NLGN1: variants seen among roughly 807,000 people sequenced by gnomAD.
NLGN1 encodes the protein neuroligin 1, also known as neuroligin-1.
Under a neutral mutation model 65.5 loss-of-function variants are expected in NLGN1, and 12 were observed. The observed-to-expected ratio is 0.18, with a 90% CI of 0.12 to 0.30. The LOEUF is 0.30. Ranked by LOEUF, NLGN1 falls within the 10% of genes least tolerant of loss-of-function variation. The pLI is 1.00. For synonymous variants in NLGN1, 350 were observed against 359.5 expected (o/e 0.97, Z 0.30); for missense variants, 750 against 1,007.1 (o/e 0.74, Z 3.46).
intron 4 of NLGN1, among the ~76,000 whole-genome samples, chr3:173,892,926 C>A (rs986431762): frequency 1.3e-5 from 2 of 152,162 alleles, no homozygotes; most frequent in Non-Finnish European, 2.9e-5. Context: ...CTTGGGGAAG[C>A]CTTTTTTCCC....
chr3:174,241,947 C>T (rs555594681), intron 4 of NLGN1, among the ~76,000 whole-genome samples: 92 of 152,234 alleles, frequency 6.0e-4, no homozygotes, highest in Middle Eastern at 3.4e-3. Flanking sequence ...CGTGAGCCAC[C>T]GGGCCCGGCC....
chr3:173,860,566 A>G (rs910508547), intron 4 of NLGN1, among the ~76,000 whole-genome samples: 1 of 152,208 alleles, frequency 6.6e-6, no homozygotes, highest in African/African-American at 2.4e-5. Context: ...AGTAGGAAGA[A>G]AAATGAGTGT....
chr3:173,432,550 T>G (rs1717381387), intron 1 of NLGN1, among the ~76,000 whole-genome samples: 1 of 152,226 alleles, frequency 6.6e-6, no homozygotes, highest in Admixed American at 6.5e-5. Flanking sequence ...TACTAAGGAC[T>G]TTGGCCAATT....
chr3:173,418,920 G>A (rs910855946), intron 1 of NLGN1, among the ~76,000 whole-genome samples: 1 of 150,972 alleles, frequency 6.6e-6, no homozygotes, highest in African/African-American at 2.4e-5. Context: ...GGTCCAGGAT[G>A]GCTTTGAATG....
At chr3:174,274,782 T>G (rs9861506) in intron 4 of NLGN1, among the ~76,000 whole-genome samples, 6,604 of 151,926 alleles carry the variant, frequency 0.043, 435 homozygotes, top group African/African-American at 0.15. Flanking sequence ...TATTCATATA[T>G]ATGCAGAGTT....
rs141341269 is a variant in NLGN1, at chr3:173,481,318, A to C, written c.-321+46240A>C. Among the ~76,000 whole-genome samples the C allele has an allele frequency of 1.8e-3, 273 of 152,160 alleles. 1 individual carries two copies. The highest frequency in any genetic ancestry group is 2.3e-3 in the Non-Finnish European group (154 of 67,886). On this transcript the variant is annotated intron_variant, in intron 2 of 6. Coordinates refer to ENST00000457714, the Ensembl canonical transcript of NLGN1. ...AAAATTATTTTCTGACTAATATAAA[A>C]TTATCATGGAAAAGATTGAAAGGAA...
chr3:173,983,283 T>A (rs1028081784), intron 4 of NLGN1, among the ~76,000 whole-genome samples: 7 of 152,176 alleles, frequency 4.6e-5, no homozygotes, highest in Non-Finnish European at 8.8e-5. Context: ...TTGTAATTAT[T>A]TGCAGATAGC....
intron 5 of NLGN1, among the ~76,000 whole-genome samples, chr3:174,278,111 A>AT (rs1750922461): frequency 1.3e-5 from 2 of 152,026 alleles, no homozygotes; most frequent in Admixed American, 1.3e-4. Flanking sequence ...ATCTTTTATG[A>AT]TAAAAACAGT....
intron 4 of NLGN1, among the ~76,000 whole-genome samples, chr3:173,828,351 A>C (rs1013280421): frequency 1.9e-4 from 29 of 152,054 alleles, no homozygotes; most frequent in African/African-American, 5.8e-4. Flanking sequence ...GGTCTAAAAC[A>C]CTGGGAAGTA....
intron 4 of NLGN1, among the ~76,000 whole-genome samples, chr3:173,858,555 A>T (rs541907212): frequency 9.9e-5 from 15 of 152,010 alleles, no homozygotes; most frequent in Non-Finnish European, 2.1e-4. Context: ...CTTGTTCCTC[A>T]CAGTTGTTGA....
chr3:174,169,575 G>A (rs73035626), intron 4 of NLGN1, among the ~76,000 whole-genome samples: 3,588 of 152,138 alleles, frequency 0.024, 103 homozygotes, highest in African/African-American at 0.061. Flanking sequence ...AGAAGGATGG[G>A]TGGCTCAGGC....
chr3:174,147,100 C>G (rs1054678545), intron 4 of NLGN1, among the ~76,000 whole-genome samples: 2 of 152,108 alleles, frequency 1.3e-5, no homozygotes, highest in African/African-American at 4.8e-5. Flanking sequence ...TGAGATTGGC[C>G]TCCCCCGTCA....
intron 3 of NLGN1, among the ~76,000 whole-genome samples, chr3:173,787,817 T>C (rs1711550927): frequency 6.6e-6 from 1 of 152,238 alleles, no homozygotes; most frequent in Non-Finnish European, 1.5e-5. Flanking sequence ...GTTTTTGAGC[T>C]GACCACAGCA....
At chr3:173,520,149 TC>T (rs771558086) in intron 2 of NLGN1, among the ~76,000 whole-genome samples, 1 of 152,174 alleles carries the variant, frequency 6.6e-6, no homozygotes, top group Non-Finnish European at 1.5e-5. Flanking sequence ...AATGTAAGTT[TC>T]CTGAAGCCTC....
At chr3:173,473,773 T>G (rs1012496593) in intron 2 of NLGN1, among the ~76,000 whole-genome samples, 1 of 152,216 alleles carries the variant, frequency 6.6e-6, no homozygotes, top group African/African-American at 2.4e-5. Context: ...ATAAATAATC[T>G]CAAGTCAACT....
intron 4 of NLGN1, among the ~76,000 whole-genome samples, chr3:173,869,768 A>G (rs1578890905): frequency 6.6e-6 from 1 of 152,124 alleles, no homozygotes; most frequent in South Asian, 2.1e-4. Context: ...AGTGGCTTTT[A>G]CTGGAATTAA....
At chr3:173,532,318 G>C (rs1736713325) in intron 2 of NLGN1, among the ~76,000 whole-genome samples, 1 of 152,140 alleles carries the variant, frequency 6.6e-6, no homozygotes. Flanking sequence ...GTCTCTTAGG[G>C]CAAATTGTGG....
chr3:173,765,518 T>C (rs2150231552), intron 3 of NLGN1, among the ~76,000 whole-genome samples: 2 of 152,296 alleles, frequency 1.3e-5, no homozygotes, highest in East Asian at 3.9e-4. Context: ...TTTCAATTTT[T>C]CCTCTTTTCT....
intron 1 of NLGN1, among the ~76,000 whole-genome samples, chr3:173,405,381 A>T (rs541871970): frequency 4.9e-4 from 75 of 152,016 alleles, no homozygotes; most frequent in African/African-American, 1.6e-3. Context: ...AATACCAACA[A>T]TTTTCACATA....
Sources: allele counts gnomAD v4.1 joint callset (sites outside exome capture counted in the v4.1 genomes callset), GRCh38; gene constraint gnomAD v4.1.1; transcripts MANE v1.5; gene names NCBI Gene and HGNC (gene_info 2026-07-23, HGNC 2026-07-21).